Variants in PLD5 observed in about 807,000 individuals in gnomAD.
The protein encoded by PLD5 is inactive phospholipase D5.
Under a neutral mutation model 61.1 loss-of-function variants are expected in PLD5, and 36 were observed. That is an observed-to-expected ratio of 0.59 (90% CI 0.45 to 0.78). PLD5 has a LOEUF of 0.78. Ranked by LOEUF, PLD5 falls within the 30% of genes least tolerant of loss-of-function variation. PLD5 has a pLI of 0.00. For synonymous variants in PLD5, 243 were observed against 242.8 expected (o/e 1.00, Z -0.01); for missense variants, 515 against 644.4 (o/e 0.80, Z 2.17).
At chr1:242,126,384 G>A (rs143268691) in intron 5 of PLD5, among the ~76,000 whole-genome samples, 15 of 152,290 alleles carry the variant, frequency 9.8e-5, no homozygotes, top group African/African-American at 2.9e-4. Flanking sequence ...CAAATCTGGA[G>A]GCATCACATT....
chr1:242,293,597 G>A (rs897380312), intron 2 of PLD5, among the ~76,000 whole-genome samples: 1 of 152,124 alleles, frequency 6.6e-6, no homozygotes, highest in Non-Finnish European at 1.5e-5. Context: ...CCCACTGGGG[G>A]TCTTAGAACA....
At chr1:242,188,758 G>A (rs1371115465) in intron 5 of PLD5, 2 of 152,184 alleles carry the variant, frequency 1.3e-5, no homozygotes, top group Non-Finnish European at 2.9e-5. Flanking sequence ...GTCCTTCTCC[G>A]TTGCAGAAGG....
intron 7 of PLD5, among the ~76,000 whole-genome samples, chr1:242,112,983 T>C (rs1481669021): frequency 6.6e-6 from 1 of 152,160 alleles, no homozygotes; most frequent in African/African-American, 2.4e-5. Context: ...TAAGCAATGA[T>C]GAATTATTGA....
At chr1:242,407,843 C>T (rs1417178884) in intron 1 of PLD5, among the ~76,000 whole-genome samples, 1 of 152,084 alleles carries the variant, frequency 6.6e-6, no homozygotes, top group Non-Finnish European at 1.5e-5. Flanking sequence ...TCCCAAAGTG[C>T]TGGGATTACA....
intron 1 of PLD5, among the ~76,000 whole-genome samples, chr1:242,414,387 C>G (rs1263805642): frequency 2.0e-5 from 3 of 152,174 alleles, no homozygotes; most frequent in African/African-American, 7.2e-5. Context: ...GATTCCTTCA[C>G]TTTACCCAGA....
intron 1 of PLD5, among the ~76,000 whole-genome samples, chr1:242,514,141 A>G (rs998607289): frequency 1.3e-5 from 2 of 152,238 alleles, no homozygotes; most frequent in Non-Finnish European, 2.9e-5. Context: ...TACAGAATAA[A>G]GCCCAGTATC....
chr1:242,204,876 T>C (rs1669225258), intron 5 of PLD5, among the ~76,000 whole-genome samples: 1 of 152,078 alleles, frequency 6.6e-6, no homozygotes, highest in Non-Finnish European at 1.5e-5. Context: ...AAGAGCTTAG[T>C]AACAGCCAAA....
At chr1:242,229,135 G>C (rs1353751227) in intron 4 of PLD5, among the ~76,000 whole-genome samples, 1 of 152,068 alleles carries the variant, frequency 6.6e-6, no homozygotes, top group African/African-American at 2.4e-5. Context: ...TGACTCAAAG[G>C]CTGAAGATTC....
chr1:242,355,940 A>C (rs1660728641), intron 1 of PLD5, among the ~76,000 whole-genome samples: 1 of 151,100 alleles, frequency 6.6e-6, no homozygotes, highest in African/African-American at 2.4e-5. Flanking sequence ...GATCAGAAAA[A>C]AATACCAGAT....
chr1:242,238,729 G>C (rs1671802334), intron 4 of PLD5, among the ~76,000 whole-genome samples: 1 of 152,200 alleles, frequency 6.6e-6, no homozygotes, highest in Non-Finnish European at 1.5e-5. Context: ...ATCAATTTCT[G>C]AGACATGAGC....
chr1:242,512,275 C>T (rs1489760930), intron 1 of PLD5, among the ~76,000 whole-genome samples: 1 of 151,582 alleles, frequency 6.6e-6, no homozygotes, highest in Non-Finnish European at 1.5e-5. Context: ...AAAAAATTAG[C>T]CAGGCATGGT....
Position 242,320,695 on chromosome 1 carries a change from GA to G in PLD5, c.326+27410del, listed in dbSNP as rs549839844. ...AGAGGCAGAAGCCAACGTATCATAA[GA>G]AAAAAATAAATATACTTAGCATCAA... On this transcript the variant is annotated intron_variant, in intron 2 of 9. Transcript: ENST00000536534. Among the ~76,000 whole-genome samples, 442 of 152,148 alleles carry G rather than the reference GA, an allele frequency of 2.9e-3. 2 individuals are homozygous for G. The highest frequency in any genetic ancestry group is 6.8e-3 in the Middle Eastern group (2 of 294).
intron 9 of PLD5, among the ~76,000 whole-genome samples, chr1:242,092,814 C>T (rs2148649997): frequency 6.6e-6 from 1 of 152,244 alleles, no homozygotes; most frequent in East Asian, 1.9e-4. Context: ...TTCTGGAGCC[C>T]TCGAACATAC....
At chr1:242,271,943 C>A (rs1003458031) in intron 3 of PLD5, among the ~76,000 whole-genome samples, 2 of 151,688 alleles carry the variant, frequency 1.3e-5, no homozygotes, top group Non-Finnish European at 2.9e-5. Flanking sequence ...TAGTGTTACT[C>A]TTTCGATGAC....
At position 242,089,635 on chromosome 1, in the gene PLD5, T is replaced by A. The variant is rs897449686; in HGVS notation, c.*219A>T. The A allele has an allele frequency of 5.1e-6, 3 of 593,042 alleles. No individual in the cohort carries two copies. The highest frequency in any genetic ancestry group is 8.6e-6 in the Non-Finnish European group (3 of 350,616). 36.7% of individuals were successfully genotyped at this position (593,042 alleles called of 1,614,324 possible). On this transcript the variant is annotated 3_prime_UTR_variant, in exon 10 of 10. Transcript: ENST00000536534. ...GTAAAAACTAACTTCTACGCCAGAA[T>A]GACATTCTCTGTCAGAGGTAACAAA...
chr1:242,447,922 T>C (rs2102919100), intron 1 of PLD5, among the ~76,000 whole-genome samples: 1 of 152,350 alleles, frequency 6.6e-6, no homozygotes, highest in Non-Finnish European at 1.5e-5. Flanking sequence ...CTTAAAGGAA[T>C]GTTCTCAGGC....
At chr1:242,373,779 A>G (rs1346808926) in intron 1 of PLD5, among the ~76,000 whole-genome samples, 1 of 152,114 alleles carries the variant, frequency 6.6e-6, no homozygotes, top group East Asian at 1.9e-4. Context: ...GAAGGGGAAC[A>G]TCACACACCA....
chr1:242,090,569 A>G (rs1659742393), intron 9 of PLD5, among the ~76,000 whole-genome samples: 3 of 152,226 alleles, frequency 2.0e-5, no homozygotes, highest in Admixed American at 1.3e-4. Context: ...AAGCCAGAGG[A>G]GACTCAGTTC....
intron 1 of PLD5, among the ~76,000 whole-genome samples, chr1:242,358,984 A>T (rs1332602302): frequency 6.6e-6 from 1 of 152,146 alleles, no homozygotes; most frequent in Non-Finnish European, 1.5e-5. Flanking sequence ...AAAGCTAGAC[A>T]TGGAGGCTGG....
Sources: gnomAD v4.1 joint callset for allele counts (sites outside exome capture counted in the v4.1 genomes callset) on GRCh38, gnomAD v4.1.1 for gene constraint, MANE v1.5 for transcripts, NCBI Gene and HGNC (gene_info 2026-07-23, HGNC 2026-07-21) for gene names.